The following SVEP1 variants were observed in gnomAD, a reference collection of about 807,000 sequenced individuals.
The protein encoded by SVEP1 is sushi, von Willebrand factor type A, EGF and pentraxin domain-containing protein 1.
A neutral mutation model predicts 367.3 loss-of-function variants in SVEP1; 164 were observed. The observed-to-expected ratio is 0.45, with a 90% confidence interval of 0.39 to 0.51. The LOEUF is 0.51. Ranked by LOEUF, SVEP1 falls within the 20% of genes least tolerant of loss-of-function variation. SVEP1 has a pLI of 0.00. For synonymous variants in SVEP1, 1,666 were observed against 1,611.6 expected (o/e 1.03, Z -0.81); for missense variants, 4,117 against 4,425.3 (o/e 0.93, Z 1.98).
intron 3 of SVEP1, among the ~76,000 whole-genome samples, chr9:110,540,794 G>A (rs1477583809): frequency 6.6e-6 from 1 of 152,006 alleles, no homozygotes; most frequent in Non-Finnish European, 1.5e-5. Flanking sequence ...TTCATGACAT[G>A]GAACAGATCT....
intron 17 of SVEP1, among the ~76,000 whole-genome samples, chr9:110,467,332 A>G (rs1315193540): frequency 1.3e-5 from 2 of 152,230 alleles, no homozygotes; most frequent in Admixed American, 6.5e-5. Flanking sequence ...CACATCAGAC[A>G]CTATTCTAAC....
At chr9:110,403,674 C>A (rs1164955369) in intron 39 of SVEP1, among the ~76,000 whole-genome samples, 1 of 151,858 alleles carries the variant, frequency 6.6e-6, no homozygotes, top group Non-Finnish European at 1.5e-5. Context: ...AATAAGATTT[C>A]ATGACAAATT....
intron 22 of SVEP1, among the ~76,000 whole-genome samples, chr9:110,451,989 A>T (rs1828701609): frequency 6.6e-6 from 1 of 152,212 alleles, no homozygotes; most frequent in Non-Finnish European, 1.5e-5. Flanking sequence ...CACAGAAATG[A>T]GCCTAGAACC....
At chr9:110,379,069 ATATTT>A (rs1478299053) in intron 44 of SVEP1, among the ~76,000 whole-genome samples, 1 of 152,162 alleles carries the variant, frequency 6.6e-6, no homozygotes, top group Non-Finnish European at 1.5e-5. Flanking sequence ...TATAAAAATC[ATATTT>A]TATTATAAAA....
rs879174674 is a variant in SVEP1, at chr9:110,551,535, G to C, written c.532-1431C>G. Among the ~76,000 whole-genome samples, 7 of 152,144 alleles carry C rather than the reference G, an allele frequency of 4.6e-5. 1 individual carries two copies. Among genetic ancestry groups the C allele is most frequent in the Admixed American group, 4.6e-4 (7 of 15,276 alleles). On this transcript the variant is annotated intron_variant, in intron 1 of 47. Transcript: ENST00000374469. The stretch of plus-strand genomic sequence containing the variant: ...TTCTCAAAAATCAAATGAGATCAAG[G>C]AAAATCGTACAGATGGGACCACACC...
intron 3 of SVEP1, among the ~76,000 whole-genome samples, chr9:110,529,357 G>T (rs1315170054): frequency 2.0e-5 from 3 of 151,934 alleles, no homozygotes; most frequent in African/African-American, 7.3e-5. Flanking sequence ...ATCTTATTTG[G>T]CTCCATATGA....
chr9:110,525,315 T>C (rs1829927002), intron 3 of SVEP1, among the ~76,000 whole-genome samples: 1 of 152,176 alleles, frequency 6.6e-6, no homozygotes, highest in African/African-American at 2.4e-5. Flanking sequence ...GTACTAGCAG[T>C]GAACATGTGG....
At position 110,503,212 on chromosome 9, in the gene SVEP1, T is replaced by C; in HGVS notation, c.1309A>G (p.Thr437Ala). 1.2e-6 allele frequency: 2 copies of C among 1,606,070 alleles called. No individual in the cohort carries two copies. Among genetic ancestry groups the C allele is most frequent in the Non-Finnish European group, 1.7e-6 (2 of 1,177,706 alleles). Residue 437 changes from threonine (T) to alanine (A), a missense_variant, in exon 6 of 48, where the codon ACA becomes GCA. Thr to Ala is a moderately conservative substitution (Grantham distance 58). This residue lies in a region of SVEP1 where 2,174 missense variants were observed against 2,494.3 expected (regional missense o/e 0.87). Transcript: ENST00000374469. The stretch of plus-strand genomic sequence containing the variant: ...TTCGGCTGGCGGAGATGAGGACATG[T>C]TCTTACTATGTAAAATGAAAGCAAT... ...SGSESYCRVR[T>A]CPHLRQPKHG...
chr9:110,401,128 G>A, intron 39 of SVEP1, 119 bp from the exon 40 acceptor site: 1 of 1,245,192 alleles, frequency 8.0e-7, no homozygotes, highest in Non-Finnish European at 1.1e-6. Flanking sequence ...AAAGCACCCA[G>A]GGTTTGGTCC....
chr9:110,520,338 C>T (rs1446187548), intron 3 of SVEP1, among the ~76,000 whole-genome samples: 2 of 152,166 alleles, frequency 1.3e-5, no homozygotes, highest in Admixed American at 1.3e-4. Context: ...TTGGTTTGAA[C>T]AAGTTTCACA....
At position 110,407,603 on chromosome 9, in the gene SVEP1, T is replaced by G; in HGVS notation, c.7997A>C (p.Glu2666Ala). The G allele has an allele frequency of 1.2e-6, 2 of 1,613,982 alleles. No homozygotes were observed. The highest frequency in any genetic ancestry group is 2.2e-5 in the South Asian group (2 of 91,080). ...AVAKTWENTK[E>A]SPATHSSNFL... is the part of the protein sequence containing the mutation. ...GTTTGATGAATGTGTAGCAGGAGAC[T>G]CCTTTGTATTTTCCCAGGTTTTAGC... The change falls in exon 38 of 48, where the codon GAG becomes GCG. Residue 2666 changes from glutamate (E) to alanine (A), a missense_variant. By Grantham distance (107) the Glu-to-Ala change is moderately radical (BLOSUM62 -1). Coordinates refer to ENST00000374469, the MANE Select transcript of SVEP1 (RefSeq NM_153366.4).
At chr9:110,505,453 T>G (rs2118760094) in intron 5 of SVEP1, among the ~76,000 whole-genome samples, 1 of 152,256 alleles carries the variant, frequency 6.6e-6, no homozygotes, top group South Asian at 2.1e-4. Context: ...ATAACGATGG[T>G]TTCAGTTAAT....
intron 39 of SVEP1, 148 bp from the exon 40 acceptor site, chr9:110,401,157 T>A (rs1411224600): frequency 2.0e-5 from 17 of 871,710 alleles, no homozygotes; most frequent in Non-Finnish European, 2.8e-5. Flanking sequence ...CTACTTATTA[T>A]ATGTGGGCTT....
intron 47 of SVEP1, among the ~76,000 whole-genome samples, chr9:110,368,814 T>C (rs1329496645): frequency 6.6e-6 from 1 of 152,212 alleles, no homozygotes; most frequent in Non-Finnish European, 1.5e-5. Context: ...AGTTTATTTT[T>C]TCTCCTTTTG....
chr9:110,381,719 G>T (rs752834176), intron 43 of SVEP1, among the ~76,000 whole-genome samples: 1 of 152,142 alleles, frequency 6.6e-6, no homozygotes, highest in South Asian at 2.1e-4. Flanking sequence ...ACTTGATCTA[G>T]AGCTGAGTTC....
chr9:110,480,621 T>C (rs78762717), intron 12 of SVEP1, among the ~76,000 whole-genome samples: 4,279 of 152,166 alleles, frequency 0.028, 192 homozygotes, highest in African/African-American at 0.098. Context: ...TTCTGCACAC[T>C]ATGAGAGTTT....
chr9:110,507,539 A>G (rs1420373238), intron 5 of SVEP1, among the ~76,000 whole-genome samples: 1 of 152,212 alleles, frequency 6.6e-6, no homozygotes, highest in Non-Finnish European at 1.5e-5. Flanking sequence ...TAGAGATTAG[A>G]TCATAAACCC....
chr9:110,369,701 G>T, intron 47 of SVEP1: 1 of 520,846 alleles, frequency 1.9e-6, no homozygotes, highest in Non-Finnish European at 3.4e-6. Context: ...GTGAGCACAA[G>T]ACTGCTTATT....
intron 35 of SVEP1, 50 bp from the exon 36 acceptor site, chr9:110,427,808 A>G (rs1210371628): frequency 4.5e-6 from 7 of 1,554,792 alleles, no homozygotes; most frequent in Admixed American, 2.0e-5. Context: ...ATTTGCTGCT[A>G]TGGAGATAAA....
Sources: allele counts gnomAD v4.1 joint callset (sites outside exome capture counted in the v4.1 genomes callset), GRCh38; gene constraint gnomAD v4.1.1; regional missense constraint gnomAD v4.1.1; transcripts MANE v1.5; gene names NCBI Gene and HGNC (gene_info 2026-07-23, HGNC 2026-07-21).